The following TRNAU1AP variants were observed in gnomAD, a reference collection of about 807,000 sequenced individuals.
TRNAU1AP encodes the protein tRNA selenocysteine 1 associated protein 1, also known as tRNA selenocysteine 1-associated protein 1.
A neutral mutation model predicts 43.3 loss-of-function variants in TRNAU1AP; 33 were observed. The observed-to-expected ratio is 0.76, with a 90% CI of 0.58 to 1.02. The LOEUF (loss-of-function observed/expected upper bound fraction) is 1.02, where lower values mean the gene tolerates loss of function less well. Ranked by LOEUF, TRNAU1AP falls within the 50% of genes least tolerant of loss-of-function variation. TRNAU1AP has a pLI of 0.00. For missense variants in TRNAU1AP, 290 were observed against 362.7 expected (o/e 0.80, Z 1.63); for synonymous variants, 143 against 129.1 (o/e 1.11, Z -0.73).
At chr1:28,573,035 T>C (rs1665695450) in intron 8 of TRNAU1AP, among the ~76,000 whole-genome samples, 1 of 137,478 alleles carries the variant, frequency 7.3e-6, no homozygotes, top group Non-Finnish European at 1.6e-5. Flanking sequence ...TTTTTCTTTT[T>C]CTTTTTTTTT....
chr1:28,561,402 G>C lies in TRNAU1AP; in HGVS notation c.278+4G>C, dbSNP rs1286796466. 1 of 1,614,034 alleles carries C rather than the reference G, an allele frequency of 6.2e-7. No homozygotes were observed. ...ACGGGAAACAACCAGATAACAGGTA[G>C]GTACAAAGTCATGTCTAGACAGACA... On this transcript the variant is annotated splice_donor_region_variant and intron_variant, in intron 4 of 8. Transcript: ENST00000373830.
At chr1:28,571,785 A>AAAAAAAAAAAAAT in intron 7 of TRNAU1AP, 82 bp from the exon 8 acceptor site, 1 of 1,220,712 alleles carries the variant, frequency 8.2e-7, no homozygotes, top group South Asian at 1.3e-5. Context: ...TCCACCTCAA[A>AAAAAAAAAAAAAT]AAAAATAAAA....
intron 2 of TRNAU1AP, among the ~76,000 whole-genome samples, chr1:28,558,978 C>T (rs1431750737): frequency 6.6e-6 from 1 of 152,104 alleles, no homozygotes; most frequent in Non-Finnish European, 1.5e-5. Context: ...ATAATTGTCC[C>T]CACAATATTG....
rs1354259789 is a variant in TRNAU1AP at position 28,577,741 on chromosome 1, ATGAC to A, written c.*108_*111del. ...AAATATGATTTGTAAGATTTTAATA[ATGAC>A]TGTTTTTGGAGATCATGAATGTTTC... is the stretch of plus-strand genomic sequence containing the variant. On this transcript the variant is annotated 3_prime_UTR_variant, in exon 9 of 9. Coordinates refer to ENST00000373830, the MANE Select transcript of TRNAU1AP (RefSeq NM_017846.5). The A allele has an allele frequency of 1.4e-5, 18 of 1,277,012 alleles. No homozygotes were observed. In the East Asian group the frequency reaches 1.4e-4, roughly 10 times the overall value. The allele number at this position is 1,277,012 out of a possible 1,614,324, so 79.1% of individuals were successfully genotyped here.
At chr1:28,555,306 A>C (rs1665234187) in intron 2 of TRNAU1AP, among the ~76,000 whole-genome samples, 1 of 152,170 alleles carries the variant, frequency 6.6e-6, no homozygotes, top group African/African-American at 2.4e-5. Flanking sequence ...AATAATCCAG[A>C]TATAGCCCCT....
intron 8 of TRNAU1AP, among the ~76,000 whole-genome samples, chr1:28,572,765 T>C (rs1310868504): frequency 6.6e-6 from 1 of 150,906 alleles, no homozygotes; most frequent in Non-Finnish European, 1.5e-5. Flanking sequence ...AAACCCCGTC[T>C]CTACTAAAAA....
chr1:28,573,343 T>A (rs1010385737), intron 8 of TRNAU1AP, among the ~76,000 whole-genome samples: 7 of 149,734 alleles, frequency 4.7e-5, no homozygotes, highest in African/African-American at 1.7e-4. Flanking sequence ...ATTAATTTTT[T>A]AATTAAAAAT....
intron 4 of TRNAU1AP, 47 bp downstream of exon 4, chr1:28,561,445 C>G: frequency 1.9e-6 from 3 of 1,607,336 alleles, no homozygotes; most frequent in Non-Finnish European, 1.7e-6. Context: ...TGTCACTGTG[C>G]CTGTCACTGC....
chr1:28,560,537 A>C lies in TRNAU1AP; in HGVS notation c.126-96A>C, dbSNP rs1020856532. On this transcript the variant is annotated intron_variant, in intron 2 of 8. Transcript: ENST00000373830. ...GTGATCCACCTGCCTTGGCCTCCCA[A>C]ACTGTTGGGATTATATGCGTGAGCC... is the stretch of plus-strand genomic sequence containing the variant. 8 of 988,316 alleles carry C rather than the reference A, an allele frequency of 8.1e-6. No individual in the cohort carries two copies. The African/African-American group carries it at 9.6e-5, about 12-fold the overall frequency. 61.2% of individuals were successfully genotyped at this position (988,316 alleles called of 1,614,324 possible). A position where few individuals can be genotyped will look rare whatever the true frequency, so the allele number is the denominator to read the frequency against.
chr1:28,571,786 A>AAAAAAAAATAAAAT lies in TRNAU1AP; in HGVS notation c.694-77_694-76insAAAATAAAATAAAA. 2 of 1,008,576 alleles carry AAAAAAAAATAAAAT rather than the reference A, an allele frequency of 2.0e-6. 1 individual carries two copies. The highest frequency in any genetic ancestry group is 2.9e-6 in the Non-Finnish European group (2 of 684,388). 62.5% of individuals were successfully genotyped at this position (1,008,576 alleles called of 1,614,324 possible). On this transcript the variant is annotated intron_variant, in intron 7 of 8. Transcript: ENST00000373830. ...TGACAGAGCTAGACTCCACCTCAAA[A>AAAAAAAAATAAAAT]AAAATAAAAAATATAAGCCACTGTG...
intron 8 of TRNAU1AP, among the ~76,000 whole-genome samples, chr1:28,574,367 C>T (rs910724901): frequency 1.3e-5 from 2 of 152,044 alleles, no homozygotes; most frequent in African/African-American, 2.4e-5. Context: ...TGATTACAGG[C>T]ATGAGCCACT....
chr1:28,577,446 G>C (rs1017975471), intron 8 of TRNAU1AP, 54 bp from the exon 9 acceptor site: 1 of 1,587,626 alleles, frequency 6.3e-7, no homozygotes, highest in Non-Finnish European at 8.6e-7. Flanking sequence ...ACTGAACCAG[G>C]TCCCTTGCAG....
chr1:28,559,357 G>T lies in TRNAU1AP; in HGVS notation c.126-1276G>T, dbSNP rs190198780. The stretch of plus-strand genomic sequence containing the variant: ...GAGCCTATATTCTGAGGCTGGGTGC[G>T]GTAGCTCATGCCTGTAATCCTAGCA... On this transcript the variant is annotated intron_variant, in intron 2 of 8. Transcript: ENST00000373830. 2.6e-5 allele frequency among the ~76,000 whole-genome samples: 4 copies of T among 152,196 alleles called. No individual in the cohort carries two copies. In the East Asian group the frequency reaches 7.7e-4, roughly 29 times the overall value.
At chr1:28,575,950 T>C (rs899109816) in intron 8 of TRNAU1AP, among the ~76,000 whole-genome samples, 1 of 146,200 alleles carries the variant, frequency 6.8e-6, no homozygotes, top group African/African-American at 2.6e-5. Flanking sequence ...AACCTCTGCC[T>C]CCCGGGTTCA....
Position 28,553,629 on chromosome 1 carries a change from T to C in TRNAU1AP, c.28-11T>C. Reference sequence around the variant, plus strand: ...GCCGGCCTGAGCCGCTGTGCTCTTGTTTTTACGCAGCTGGAACCCTACATG... The same window carrying C: ...GCCGGCCTGAGCCGCTGTGCTCTTGCTTTTACGCAGCTGGAACCCTACATG... On this transcript the variant is annotated splice_polypyrimidine_tract_variant and intron_variant, in intron 1 of 8. Coordinates refer to ENST00000373830, the MANE Select transcript of TRNAU1AP (RefSeq NM_017846.5). 1.2e-6 allele frequency: 2 copies of C among 1,613,506 alleles called. No individual in the cohort carries two copies. The highest frequency in any genetic ancestry group is 1.7e-6 in the Non-Finnish European group (2 of 1,179,854).
At chr1:28,561,855 G>A (rs4654389) in intron 4 of TRNAU1AP, among the ~76,000 whole-genome samples, 47,469 of 151,818 alleles carry the variant, frequency 0.31, 9,436 homozygotes, top group African/African-American at 0.57. Context: ...GGCGGATCAC[G>A]AGGTCAGGAG....
At chr1:28,563,147 G>A (rs1291220397) in intron 4 of TRNAU1AP, among the ~76,000 whole-genome samples, 4 of 151,600 alleles carry the variant, frequency 2.6e-5, no homozygotes, top group African/African-American at 7.3e-5. Flanking sequence ...ACCTGCTTCG[G>A]TCTCCCAAAG....
intron 8 of TRNAU1AP, among the ~76,000 whole-genome samples, chr1:28,577,149 C>T (rs1665806952): frequency 6.6e-6 from 1 of 152,140 alleles, no homozygotes; most frequent in South Asian, 2.1e-4. Flanking sequence ...CCACTATGCA[C>T]TTATTGTCAG....
intron 8 of TRNAU1AP, among the ~76,000 whole-genome samples, chr1:28,575,607 C>T (rs1342438432): frequency 2.0e-5 from 3 of 149,426 alleles, no homozygotes; most frequent in Non-Finnish European, 4.4e-5. Flanking sequence ...GGATTACAGG[C>T]ATGCGCCATC....
Sources: gnomAD v4.1 joint callset for allele counts (sites outside exome capture counted in the v4.1 genomes callset) on GRCh38, gnomAD v4.1.1 for gene constraint, MANE v1.5 for transcripts, NCBI Gene and HGNC (gene_info 2026-07-23, HGNC 2026-07-21) for gene names.